The following ITGAL variants were observed in gnomAD, a reference collection of about 807,000 sequenced individuals.
ITGAL encodes integrin alpha-L.
A neutral mutation model predicts 138.4 loss-of-function variants in ITGAL; 68 were observed. The observed-to-expected ratio is 0.49, with a 90% CI of 0.40 to 0.60. The LOEUF (loss-of-function observed/expected upper bound fraction) is 0.60. Ranked by LOEUF, ITGAL falls within the 20% of genes least tolerant of loss-of-function variation. ITGAL has a pLI of 0.00. For synonymous variants in ITGAL, 561 were observed against 584.3 expected, an observed-to-expected ratio of 0.96 and a Z score of 0.57; for missense variants, 1,256 against 1,478.6, an observed-to-expected ratio of 0.85 and a Z score of 2.47.
chr16:30,494,890 C>A lies in ITGAL; in HGVS notation c.1503+40C>A. ...TGGAGCTGAGAGGGAGGAGGGAGAG[C>A]AGCAGAGATTCGCAGCTCCCAGTTA... On this transcript the variant is annotated intron_variant, in intron 13 of 30. Transcript: ENST00000356798. This position sits in a 1 kb window ranked among gnomAD's most constrained non-coding sequence, Gnocchi z 4.2. 4 of 1,547,188 alleles carry A rather than the reference C, an allele frequency of 2.6e-6. No homozygotes were observed. The highest frequency in any genetic ancestry group is 1.2e-5 in the South Asian group (1 of 84,730).
chr16:30,511,173 C>T (rs769582210), intron 24 of ITGAL, 37 bp downstream of exon 24: 10 of 1,518,180 alleles, frequency 6.6e-6, no homozygotes, highest in Non-Finnish European at 8.2e-6. Flanking sequence ...CCCTCTCCTC[C>T]CACCGCAGCC....
chr16:30,511,091 C>T lies in ITGAL; in HGVS notation c.2741C>T (p.Thr914Ile). The change falls in exon 24 of 31, where the codon ACT (threonine) becomes ATT (isoleucine). Residue 914 changes from threonine (T) to isoleucine (I), a missense_variant. Thr to Ile is a moderately conservative substitution (Grantham distance 89). Transcript: ENST00000356798. Reference protein sequence around the residue: ...DSDLLEDNSATTIIPILYPIN... With the variant: ...DSDLLEDNSAITIIPILYPIN... ...GACCTCCTGGAGGACAACTCAGCCA[C>T]TACCATCATCCCCATCCTGTACCCC... 2 of 1,614,066 alleles carry T rather than the reference C, an allele frequency of 1.2e-6. No homozygotes were observed. Among genetic ancestry groups the T allele is most frequent in the Non-Finnish European group, 1.7e-6 (2 of 1,179,968 alleles).
Position 30,506,805 on chromosome 16 carries a change from G to A in ITGAL, c.2457G>A (p.Leu819=), listed in dbSNP as rs776477581. Residue 819 remains leucine, a synonymous_variant, in exon 21 of 31, where the codon CTG becomes CTA. Transcript: ENST00000356798. ...NLEEDAYWVQ[L]DLHFPPGLSF... is the part of the protein sequence containing the mutation. ...AAGAAGATGCTTACTGGGTCCAGCT[G>A]GACCTGCACTTCCCCCCGGGACTCT... 8 of 1,613,988 alleles carry A rather than the reference G, an allele frequency of 5.0e-6. No homozygotes were observed. In the South Asian group the frequency reaches 6.6e-5, roughly 13 times the overall value.
Position 30,496,192 on chromosome 16 carries a change from C to G in ITGAL, c.1599C>G (p.Gly533=), listed in dbSNP as rs148420170. ...EAITALTDIN[G]DGLVDVAVGA... Reference sequence around the variant, plus strand: ...TCACTGCTCTGACAGACATCAACGGCGATGGGCTGGTAGACGTGGCTGTGG... The same window carrying G: ...TCACTGCTCTGACAGACATCAACGGGGATGGGCTGGTAGACGTGGCTGTGG... The change falls in exon 14 of 31, where the codon GGC becomes GGG. Residue 533 remains glycine, a synonymous_variant. Coordinates refer to ENST00000356798, the MANE Select transcript of ITGAL (RefSeq NM_002209.3). 5 of 1,613,884 alleles carry G rather than the reference C, an allele frequency of 3.1e-6. No individual in the cohort carries two copies. The highest frequency in any genetic ancestry group is 4.2e-6 in the Non-Finnish European group (5 of 1,179,878).
At chr16:30,517,734 G>A (rs368363035) in intron 27 of ITGAL, 29 bp downstream of exon 27, 70 of 1,613,300 alleles carry the variant, frequency 4.3e-5, no homozygotes, top group South Asian at 1.3e-4. Flanking sequence ...AGAGACGGTG[G>A]GGCTGGGCGG....
At chr16:30,486,752 T>A (rs920608590) in intron 9 of ITGAL, among the ~76,000 whole-genome samples, 4 of 151,918 alleles carry the variant, frequency 2.6e-5, no homozygotes, top group African/African-American at 9.7e-5. Context: ...TCAGAAAGAG[T>A]TTGGATTTCA....
At chr16:30,507,033 C>T (rs899872086) in intron 21 of ITGAL, among the ~76,000 whole-genome samples, 177 bp downstream of exon 21, 4 of 152,164 alleles carry the variant, frequency 2.6e-5, no homozygotes, top group African/African-American at 9.7e-5. Flanking sequence ...ACCAGGTTTA[C>T]CCTCTCAGGC....
intron 17 of ITGAL, among the ~76,000 whole-genome samples, chr16:30,502,474 T>C (rs959852621): frequency 4.1e-5 from 6 of 146,580 alleles, no homozygotes; most frequent in African/African-American, 1.5e-4. Context: ...AGGCCAGGCA[T>C]GGTGGCTCAT....
chr16:30,474,201 G>T lies in ITGAL; in HGVS notation c.67G>T (p.Ala23Ser), dbSNP rs771522052. The change falls in exon 2 of 31, where the codon GCC becomes TCC. Residue 23 changes from alanine (A) to serine (S), a missense_variant. Coordinates refer to ENST00000356798, the MANE Select transcript of ITGAL (RefSeq NM_002209.3). Reference sequence around the variant, plus strand: ...ACGACCCTTGCCTTCCTCAGCGCCGGCCTCGAGCTACAACCTGGACGTGCG... The same window carrying T: ...ACGACCCTTGCCTTCCTCAGCGCCGTCCTCGAGCTACAACCTGGACGTGCG... Reference protein sequence around the residue: ...LLSGFFFFAPASSYNLDVRGA... With the variant: ...LLSGFFFFAPSSSYNLDVRGA... The T allele has an allele frequency of 1.2e-6, 2 of 1,600,984 alleles. No individual in the cohort carries two copies. Among genetic ancestry groups the T allele is most frequent in the Admixed American group, 3.5e-5 (2 of 57,900 alleles).
intron 21 of ITGAL, among the ~76,000 whole-genome samples, chr16:30,507,668 A>G (rs906622641): frequency 2.6e-5 from 4 of 151,508 alleles, no homozygotes; most frequent in Admixed American, 2.6e-4. Flanking sequence ...AAAAATTTAA[A>G]TAGAGAGAGG....
chr16:30,510,834 G>A lies in ITGAL; in HGVS notation c.2620-47G>A, dbSNP rs771461838. On this transcript the variant is annotated intron_variant, in intron 22 of 30. Coordinates refer to ENST00000356798, the MANE Select transcript of ITGAL (RefSeq NM_002209.3). The stretch of plus-strand genomic sequence containing the variant: ...GATTAGATGTGGGGGCCATGAGGCT[G>A]CTCCTCATGACCCTTCCATTTCCAT... 19 of 1,434,512 alleles carry A rather than the reference G, an allele frequency of 1.3e-5. No homozygotes were observed. In the South Asian group the frequency reaches 1.8e-4, roughly 14 times the overall value. 88.9% of individuals were successfully genotyped at this position (1,434,512 alleles called of 1,614,324 possible). A position where few individuals can be genotyped will look rare whatever the true frequency, so the allele number is the denominator to read the frequency against.
intron 15 of ITGAL, among the ~76,000 whole-genome samples, chr16:30,498,120 T>A (rs541864975): frequency 9.3e-5 from 14 of 149,738 alleles, no homozygotes; most frequent in African/African-American, 7.4e-5. Context: ...TAGTCAGGAG[T>A]TCAAGACCAG....
At chr16:30,488,946 G>C (rs2050685181) in intron 9 of ITGAL, 136 bp from the exon 10 acceptor site, 2 of 721,640 alleles carry the variant, frequency 2.8e-6, no homozygotes, top group South Asian at 3.2e-5. Context: ...CACTTCCTGG[G>C]TCTGCCTGAC....
chr16:30,490,227 T>TAAAAA (rs71149031), intron 11 of ITGAL, among the ~76,000 whole-genome samples: 1 of 129,542 alleles, frequency 7.7e-6, no homozygotes, highest in African/African-American at 2.9e-5. Flanking sequence ...GACTCCGTCT[T>TAAAAA]AAAAAAAAAA....
chr16:30,476,079 A>G (rs1461526066), intron 4 of ITGAL, among the ~76,000 whole-genome samples: 3 of 151,782 alleles, frequency 2.0e-5, no homozygotes, highest in Admixed American at 2.0e-4. Flanking sequence ...TGAAACCCCC[A>G]TCTCTACTAA....
At position 30,478,729 on chromosome 16, in the gene ITGAL, A is replaced by C. The variant is rs117302230; in HGVS notation, c.328-362A>C. Among the ~76,000 whole-genome samples the C allele has an allele frequency of 6.8e-3, 1,023 of 150,878 alleles. 8 individuals are homozygous for C. The highest frequency in any genetic ancestry group is 0.011 in the Non-Finnish European group (738 of 67,786). On this transcript the variant is annotated intron_variant, in intron 4 of 30. Coordinates refer to ENST00000356798, the MANE Select transcript of ITGAL (RefSeq NM_002209.3). Reference sequence around the variant, plus strand: ...AAAAAAAAAAAAGAAAGAAAGAAAGAGGCACTGTATATTCTGGGAATCTTG... The same window carrying C: ...AAAAAAAAAAAAGAAAGAAAGAAAGCGGCACTGTATATTCTGGGAATCTTG...
chr16:30,474,280 T>A lies in ITGAL; in HGVS notation c.146T>A (p.Val49Asp). The change falls in exon 2 of 31, where the codon GTC (valine) becomes GAC (aspartate). Residue 49 changes from valine (V) to aspartate (D), a missense_variant. Val to Asp is a radical substitution (Grantham distance 152, BLOSUM62 -3). This residue lies in a region of ITGAL where 212 missense variants were observed against 217.4 expected (regional missense o/e 0.98). Coordinates refer to ENST00000356798, the MANE Select transcript of ITGAL (RefSeq NM_002209.3). ...GCCGGGAGGCACTTTGGATACCGCG[T>A]CCTGCAGGTCGGAAACGGGTGAGCT... ...PRAGRHFGYR[V>D]LQVGNGVIVG... 1 of 1,606,820 alleles carries A rather than the reference T, an allele frequency of 6.2e-7. No individual in the cohort carries two copies. The highest frequency in any genetic ancestry group is 8.5e-7 in the Non-Finnish European group (1 of 1,176,532).
At position 30,504,211 on chromosome 16, in the gene ITGAL, T is replaced by G. The variant is rs1301865118; in HGVS notation, c.2182T>G (p.Ser728Ala). 2 of 1,613,662 alleles carry G rather than the reference T, an allele frequency of 1.2e-6. No homozygotes were observed. Among genetic ancestry groups the G allele is most frequent in the African/African-American group, 2.7e-5 (2 of 74,892 alleles). ...VQDLISPINV[S>A]LNFSLWEEEG... ...AGACCTCATCTCCCCCATCAATGTT[T>G]CCCTGAATTTCTCTCTTTGGGAGGA... The change falls in exon 18 of 31, where the codon TCC becomes GCC. Residue 728 changes from serine to alanine, a missense_variant. Physicochemically the swap from Ser to Ala is moderately conservative, Grantham distance 99. Around this residue, in one of 3 missense-constraint regions of ITGAL, gnomAD observed 867 missense variants for 972.5 expected, o/e 0.89. Transcript: ENST00000356798.
intron 25 of ITGAL, 151 bp downstream of exon 25, chr16:30,513,997 A>C (rs2051129697): frequency 1.5e-6 from 1 of 645,762 alleles, no homozygotes; most frequent in Non-Finnish European, 2.8e-6. Context: ...GCCTCCACTT[A>C]CAGGCTTCCA....
Sources: allele counts gnomAD v4.1 joint callset (sites outside exome capture counted in the v4.1 genomes callset), GRCh38; gene constraint gnomAD v4.1.1; regional missense constraint gnomAD v4.1.1; non-coding constraint Gnocchi (gnomAD v3.1); transcripts MANE v1.5; gene names NCBI Gene and HGNC (gene_info 2026-07-23, HGNC 2026-07-21).